RXRG: variants seen among roughly 807,000 people sequenced by gnomAD.
The protein encoded by RXRG is retinoic acid receptor RXR-gamma.
A neutral mutation model predicts 49.2 loss-of-function variants in RXRG; 19 were observed. The observed-to-expected ratio is 0.39, with a 90% CI of 0.27 to 0.57. The LOEUF is 0.57. Ranked by LOEUF, RXRG falls within the 20% of genes least tolerant of loss-of-function variation. The pLI, the probability that RXRG is intolerant of heterozygous loss-of-function variation, is 0.64. For missense variants in RXRG, 452 were observed against 592.5 expected (o/e 0.76, Z 2.46); for synonymous variants, 224 against 216.6 (o/e 1.03, Z -0.30).
intron 1 of RXRG, among the ~76,000 whole-genome samples, chr1:165,440,999 A>G (rs1291417667): frequency 1.3e-5 from 2 of 152,246 alleles, no homozygotes; most frequent in African/African-American, 2.4e-5. Context: ...ACTTATGCCC[A>G]TGATAGGTTC....
intron 7 of RXRG, 47 bp from the exon 8 acceptor site, chr1:165,408,365 G>C (rs761548164): frequency 8.0e-6 from 11 of 1,379,218 alleles, no homozygotes; most frequent in Non-Finnish European, 1.1e-5. Flanking sequence ...TAAGTAACAG[G>C]CCAAGAGCCA....
intron 2 of RXRG, among the ~76,000 whole-genome samples, chr1:165,420,974 C>T (rs960040489): frequency 1.3e-5 from 2 of 152,204 alleles, no homozygotes; most frequent in African/African-American, 4.8e-5. Flanking sequence ...ACTGACTTCC[C>T]ATGGTTTGTC....
chr1:165,436,682 T>A (rs1400475477), intron 1 of RXRG, among the ~76,000 whole-genome samples: 3 of 152,206 alleles, frequency 2.0e-5, no homozygotes, highest in Non-Finnish European at 4.4e-5. Context: ...AAGGGAGCCA[T>A]GACCTGGGAC....
At chr1:165,425,529 C>T (rs765005596) in intron 2 of RXRG, among the ~76,000 whole-genome samples, 4 of 152,168 alleles carry the variant, frequency 2.6e-5, no homozygotes, top group Admixed American at 6.5e-5. Context: ...CCCCAAACTA[C>T]AATGTACTTT....
intron 1 of RXRG, among the ~76,000 whole-genome samples, chr1:165,436,548 C>G (rs1436154897): frequency 6.6e-6 from 1 of 152,170 alleles, no homozygotes; most frequent in Non-Finnish European, 1.5e-5. Flanking sequence ...AAGTGTCAGA[C>G]TGCACACTAT....
chr1:165,418,690 A>C (rs570302461), intron 3 of RXRG, among the ~76,000 whole-genome samples: 1 of 152,346 alleles, frequency 6.6e-6, no homozygotes, highest in African/African-American at 2.4e-5. Context: ...CAGTTCTGAA[A>C]TATTTGTCTT....
intron 1 of RXRG, among the ~76,000 whole-genome samples, chr1:165,443,282 C>T (rs953880962): frequency 2.6e-5 from 4 of 152,118 alleles, no homozygotes; most frequent in Non-Finnish European, 4.4e-5. Context: ...GGGGGGCCCA[C>T]GAATCTGGCT....
intron 3 of RXRG, among the ~76,000 whole-genome samples, 198 bp from the exon 4 acceptor site, chr1:165,417,418 C>A (rs1658160923): frequency 1.3e-5 from 2 of 152,124 alleles, no homozygotes; most frequent in African/African-American, 4.8e-5. Flanking sequence ...CACTTGTCCT[C>A]GTGTCTTTCC....
chr1:165,425,194 G>A (rs1447023763), intron 2 of RXRG, among the ~76,000 whole-genome samples: 1 of 152,226 alleles, frequency 6.6e-6, no homozygotes, highest in African/African-American at 2.4e-5. Context: ...GGCTCAATCA[G>A]ACTTGAGTGT....
intron 1 of RXRG, among the ~76,000 whole-genome samples, chr1:165,438,978 A>G (rs1023829888): frequency 9.2e-5 from 14 of 152,194 alleles, no homozygotes; most frequent in Non-Finnish European, 1.6e-4. Flanking sequence ...CGGGGTGTTA[A>G]TTACAAAAGA....
chr1:165,402,867 TACTC>T (rs559371380), intron 9 of RXRG, among the ~76,000 whole-genome samples: 134 of 152,150 alleles, frequency 8.8e-4, no homozygotes, highest in Middle Eastern at 3.4e-3. Context: ...ACAATACACA[TACTC>T]ACACATGTGC....
chr1:165,423,214 G>T (rs1658377863), intron 2 of RXRG, among the ~76,000 whole-genome samples: 1 of 152,206 alleles, frequency 6.6e-6, no homozygotes, highest in African/African-American at 2.4e-5. Context: ...AAACCCATTA[G>T]CTGCCTGGTC....
chr1:165,414,105 C>T (rs1205688292), intron 4 of RXRG, among the ~76,000 whole-genome samples: 6 of 152,168 alleles, frequency 3.9e-5, no homozygotes, highest in African/African-American at 9.7e-5. Context: ...TTTTGAAATG[C>T]GCCCCCTTAT....
chr1:165,419,767 C>G (rs1349498999), intron 3 of RXRG, 103 bp downstream of exon 3: 2 of 1,082,136 alleles, frequency 1.8e-6, no homozygotes, highest in African/African-American at 1.6e-5. Flanking sequence ...TTAGCCCATC[C>G]TAAAGGGCCA....
At chr1:165,411,870 T>A (rs920500005) in intron 4 of RXRG, among the ~76,000 whole-genome samples, 3 of 152,220 alleles carry the variant, frequency 2.0e-5, no homozygotes, top group Non-Finnish European at 4.4e-5. Context: ...AATTCTATGC[T>A]CTTCATCAGG....
intron 9 of RXRG, among the ~76,000 whole-genome samples, chr1:165,403,024 T>C (rs1657635515): frequency 1.3e-5 from 2 of 151,956 alleles, no homozygotes; most frequent in Admixed American, 6.6e-5. Context: ...TCTTACAACA[T>C]GCACACACAC....
intron 3 of RXRG, among the ~76,000 whole-genome samples, chr1:165,418,672 A>G (rs889228763): frequency 2.0e-5 from 3 of 152,252 alleles, no homozygotes; most frequent in African/African-American, 4.8e-5. Flanking sequence ...CAGAAAACCT[A>G]GTGCTCTCAG....
intron 2 of RXRG, among the ~76,000 whole-genome samples, chr1:165,426,940 C>T (rs1026945854): frequency 1.3e-5 from 2 of 152,082 alleles, no homozygotes; most frequent in Admixed American, 6.6e-5. Context: ...AAAAAAATGA[C>T]GTCACAGTTC....
rs572555126 is a variant in RXRG at position 165,439,540 on chromosome 1, T to A, written c.49+5305A>T. Among the ~76,000 whole-genome samples, 4 of 152,344 alleles carry A rather than the reference T, an allele frequency of 2.6e-5. No individual in the cohort carries two copies. In the South Asian group the frequency reaches 8.3e-4, roughly 32 times the overall value. ...TCAACCCATCAGCTAATGCATGCTTTCATTCTCACATTCCCACTGAGAGGC... is the reference window on the plus strand; with the variant it reads ...TCAACCCATCAGCTAATGCATGCTTACATTCTCACATTCCCACTGAGAGGC... On this transcript the variant is annotated intron_variant, in intron 1 of 9. Coordinates refer to ENST00000359842, the MANE Select transcript of RXRG (RefSeq NM_006917.5).
Sources: allele counts gnomAD v4.1 joint callset (sites outside exome capture counted in the v4.1 genomes callset), GRCh38; gene constraint gnomAD v4.1.1; transcripts MANE v1.5; gene names NCBI Gene and HGNC (gene_info 2026-07-23, HGNC 2026-07-21).